The following STEEP1 variants were observed in gnomAD, a reference collection of about 807,000 sequenced individuals.
STEEP1 encodes STING1 ER exit protein 1.
In STEEP1, 3 loss-of-function variants were observed where a neutral mutation model predicts 19.2. That is an observed-to-expected ratio of 0.16 (90% CI 0.07 to 0.40). The LOEUF (loss-of-function observed/expected upper bound fraction) is 0.40. Among genes scored for constraint, STEEP1 ranks in the 10% least tolerant of loss-of-function variants. The pLI is 0.99. For synonymous variants in STEEP1, 46 were observed against 63.7 expected (o/e 0.72, Z 1.32); for missense variants, 54 against 177.1 (o/e 0.30, Z 3.94).
chrX:119,564,195 A>C (rs1282362522), intron 1 of STEEP1, among the ~76,000 whole-genome samples: 1 of 111,580 alleles, frequency 9.0e-6, no homozygotes, highest in Non-Finnish European at 1.9e-5. Flanking sequence ...AAAGGGAGCC[A>C]GACAAGGGGA....
At chrX:119,559,602 G>T (rs2053307035) in intron 2 of STEEP1, among the ~76,000 whole-genome samples, 1 of 111,464 alleles carries the variant, frequency 9.0e-6, no homozygotes, top group Admixed American at 9.6e-5. Context: ...TTCCCTCAAA[G>T]TCATGAGCTC....
chrX:119,562,520 C>T (rs771948573), intron 1 of STEEP1, among the ~76,000 whole-genome samples: 23 of 94,843 alleles, frequency 2.4e-4, no homozygotes, highest in African/African-American at 8.9e-4. Flanking sequence ...GCAACAAGAG[C>T]GAAACTCCGT....
chrX:119,560,362 T>C lies in STEEP1; in HGVS notation c.148A>G (p.Met50Val). ...VLDCQLEKLP[M>V]RPRDRSRVID... The stretch of plus-strand genomic sequence containing the variant: ...ACACGGGACCGGTCCCGGGGCCTCA[T>C]GGGCAATTTCTCTAACTGGCAGTCT... Residue 50 changes from methionine (M) to valine (V), a missense_variant, in exon 2 of 7, where the codon ATG (methionine) becomes GTG (valine). Met to Val is a conservative substitution (Grantham distance 21). Around this residue, in one of 2 missense-constraint regions of STEEP1, gnomAD observed 47 missense variants for 118.5 expected, o/e 0.40. Coordinates refer to ENST00000644802, the MANE Select transcript of STEEP1 (RefSeq NM_022101.4). The C allele has an allele frequency of 4.1e-6, 5 of 1,207,134 alleles. No individual in the cohort carries two copies. The highest frequency in any genetic ancestry group is 3.0e-5 in the East Asian group (1 of 33,821).
In STEEP1 at chrX:119,544,440, G is replaced by A; in HGVS notation, c.336C>T (p.Thr112=). Residue 112 remains threonine, a synonymous_variant, in exon 4 of 7, where the codon ACC becomes ACT. Coordinates refer to ENST00000644802, the MANE Select transcript of STEEP1 (RefSeq NM_022101.4). ...TGACTACTGCTCCATCCACAATGAA[G>A]GTAACAGGAGCATTCTTTGGCTGGG... ...YQSQPKNAPV[T]FIVDGAVVKF... 8.3e-7 allele frequency: 1 copy of A among 1,208,941 alleles called. No homozygotes were observed.
At chrX:119,558,383 A>G (rs2053297145) in intron 2 of STEEP1, among the ~76,000 whole-genome samples, 1 of 110,935 alleles carries the variant, frequency 9.0e-6, no homozygotes, top group East Asian at 2.9e-4. Context: ...AAATACAAAA[A>G]AAAATTAGCC....
At position 119,558,751 on chromosome X, in the gene STEEP1, C is replaced by T. The variant is rs910317179; in HGVS notation, c.242+1517G>A. On this transcript the variant is annotated intron_variant, in intron 2 of 6. Coordinates refer to ENST00000644802, the MANE Select transcript of STEEP1 (RefSeq NM_022101.4). ...TCTTGATACTCTCTCCTATTTTCTG[C>T]ATCACCAGGTTCTTCTGGTTCTGTT... Among the ~76,000 whole-genome samples, 19 of 111,180 alleles carry T rather than the reference C, an allele frequency of 1.7e-4. 1 individual carries two copies. The highest frequency in any genetic ancestry group is 1.4e-3 in the East Asian group (5 of 3,517).
In STEEP1 at chrX:119,539,544, A is replaced by G. The variant is rs373844142; in HGVS notation, c.*183T>C. The G allele has an allele frequency of 1.2e-3, 372 of 310,564 alleles. 4 individuals are homozygous for G. Among genetic ancestry groups the G allele is most frequent in the African/African-American group, 9.8e-3 (318 of 32,597 alleles). 25.6% of individuals were successfully genotyped at this position (310,564 alleles called of 1,213,427 possible). A position where few individuals can be genotyped will look rare whatever the true frequency, so the allele number is the denominator to read the frequency against. ...AGACTTTATCTCAAAAAAAAAAAAA[A>G]AAAAAAGAAAGCAAGTTAAATGGAC... On this transcript the variant is annotated 3_prime_UTR_variant, in exon 7 of 7. Coordinates refer to ENST00000644802, the MANE Select transcript of STEEP1 (RefSeq NM_022101.4).
At chrX:119,557,478 CAAAAAAAAAAAAAAAAA>C in intron 2 of STEEP1, among the ~76,000 whole-genome samples, 1 of 68,946 alleles carries the variant, frequency 1.5e-5, no homozygotes, top group African/African-American at 6.4e-5. Flanking sequence ...CACACCATCT[CAAAAAAAAAAAAAAAAA>C]GAAAAAAGAA....
intron 2 of STEEP1, among the ~76,000 whole-genome samples, chrX:119,548,864 C>T (rs1374266042): frequency 8.9e-6 from 1 of 112,110 alleles, no homozygotes; most frequent in African/African-American, 3.2e-5. Flanking sequence ...CGCACGCACA[C>T]ATGCACACAC....
Position 119,538,874 on chromosome X carries a change from A to G in STEEP1, c.*853T>C, listed in dbSNP as rs920114292. On this transcript the variant is annotated 3_prime_UTR_variant, in exon 7 of 7. Transcript: ENST00000644802. ...ACAGCTTCAGTGTTTGAAGTAAAGA[A>G]AGCTTTATGCAGATTCTGGCTTTTA... 9.0e-6 allele frequency: 1 copy of G among 111,700 alleles called. No homozygotes were observed. Among genetic ancestry groups the G allele is most frequent in the Admixed American group, 9.6e-5 (1 of 10,401 alleles). The allele number at this position is 111,700 out of a possible 1,213,427, so 9.2% of individuals were successfully genotyped here. A position where few individuals can be genotyped will look rare whatever the true frequency, so the allele number is the denominator to read the frequency against.
At chrX:119,542,806 ACTTT>A in intron 4 of STEEP1, 1 of 307,297 alleles carries the variant, frequency 3.3e-6, no homozygotes, top group African/African-American at 2.7e-5. Flanking sequence ...TTTTTAATTT[ACTTT>A]ATTTTTTTGA....
chrX:119,562,640 T>A lies in STEEP1; in HGVS notation c.125-2255A>T, dbSNP rs375504299. 3.6e-3 allele frequency among the ~76,000 whole-genome samples: 378 copies of A among 104,554 alleles called. 1 individual carries two copies. The highest frequency in any genetic ancestry group is 0.015 in the East Asian group (51 of 3,338). 90.8% of individuals were successfully genotyped at this position (104,554 alleles called of 115,157 possible). ...AGGCAGAGGTTGCAGTGAGGTGAGA[T>A]CGCACCATTGCACTCCAGCCTGGGC... On this transcript the variant is annotated intron_variant, in intron 1 of 6. Transcript: ENST00000644802.
intron 2 of STEEP1, among the ~76,000 whole-genome samples, chrX:119,557,513 A>T (rs187241050): frequency 4.7e-5 from 5 of 107,510 alleles, no homozygotes; most frequent in Admixed American, 4.1e-4. Flanking sequence ...GAAAAAAGAA[A>T]AAAAAATCCA....
At chrX:119,546,712 G>A (rs181876460) in intron 2 of STEEP1, among the ~76,000 whole-genome samples, 281 of 110,620 alleles carry the variant, frequency 2.5e-3, no homozygotes, top group Non-Finnish European at 3.3e-3. Context: ...CAGAAACCTG[G>A]GACTCATCCT....
intron 2 of STEEP1, among the ~76,000 whole-genome samples, chrX:119,552,728 T>C (rs761539072): frequency 8.9e-6 from 1 of 112,867 alleles, no homozygotes; most frequent in East Asian, 2.8e-4. Flanking sequence ...CAGACTTTTC[T>C]TGGCCTCTGT....
rs1240606141 is a variant in STEEP1, at chrX:119,544,407, G to C, written c.369C>G (p.Gly123=). 3.3e-6 allele frequency: 4 copies of C among 1,205,345 alleles called. No homozygotes were observed. The highest frequency in any genetic ancestry group is 4.5e-6 in the Non-Finnish European group (4 of 891,639). The change falls in exon 4 of 7, where the codon GGC becomes GGG. Residue 123 remains glycine, a synonymous_variant. Transcript: ENST00000644802. ...FIVDGAVVKF[G]QGFGKTNIYT... ...ATATGTTCGTTTTCCCAAAGCCCTG[G>C]CCAAACTTGACTACTGCTCCATCCA...
rs1353727556 is a variant in STEEP1, at chrX:119,553,166, AG to A, written c.242+7101del. On this transcript the variant is annotated intron_variant, in intron 2 of 6. Transcript: ENST00000644802. Reference sequence around the variant, plus strand: ...GAGACTGTCTCAAAAAAAAAAAAAAAGTGGAAAACAGAAACGAAATCTCTGA... The same window carrying A: ...GAGACTGTCTCAAAAAAAAAAAAAAATGGAAAACAGAAACGAAATCTCTGA... Among the ~76,000 whole-genome samples the A allele has an allele frequency of 1.6e-3, 91 of 57,117 alleles. 13 individuals carry two copies. The highest frequency in any genetic ancestry group is 2.2e-3 in the Non-Finnish European group (57 of 25,538). The allele number at this position is 57,117 out of a possible 115,157, so 49.6% of individuals were successfully genotyped here.
chrX:119,551,900 C>T (rs1464809385), intron 2 of STEEP1, among the ~76,000 whole-genome samples: 1 of 91,484 alleles, frequency 1.1e-5, no homozygotes, highest in Non-Finnish European at 2.2e-5. Flanking sequence ...GCTTCCAAAA[C>T]TTTTTTTTTT....
Position 119,539,651 on chromosome X carries a change from T to C in STEEP1, c.*76A>G. 2 of 790,269 alleles carry C rather than the reference T, an allele frequency of 2.5e-6. No homozygotes were observed. The highest frequency in any genetic ancestry group is 6.3e-5 in the East Asian group (2 of 31,706). The allele number at this position is 790,269 out of a possible 1,213,427, so 65.1% of individuals were successfully genotyped here. Reference sequence around the variant, plus strand: ...CTGCTAGGGCATAAATAGGAATCCGTCTATGTAATCAAGAAATTACTTTGC... The same window carrying C: ...CTGCTAGGGCATAAATAGGAATCCGCCTATGTAATCAAGAAATTACTTTGC... On this transcript the variant is annotated 3_prime_UTR_variant, in exon 7 of 7. Coordinates refer to ENST00000644802, the MANE Select transcript of STEEP1 (RefSeq NM_022101.4).
Sources: allele counts gnomAD v4.1 joint callset (sites outside exome capture counted in the v4.1 genomes callset), GRCh38; gene constraint gnomAD v4.1.1; regional missense constraint gnomAD v4.1.1; transcripts MANE v1.5; gene names NCBI Gene and HGNC (gene_info 2026-07-23, HGNC 2026-07-21).